The following CNTN4 variants were observed in gnomAD, a reference collection of about 807,000 sequenced individuals.
CNTN4 encodes the protein contactin 4.
Under a neutral mutation model 122.5 loss-of-function variants are expected in CNTN4, and 77 were observed. That is an observed-to-expected ratio of 0.63 (90% CI 0.52 to 0.76). CNTN4 has a LOEUF of 0.76. Ranked by LOEUF, CNTN4 falls within the 30% of genes least tolerant of loss-of-function variation. The probability of loss-of-function intolerance (pLI) is 0.00; values close to 1 mark genes in which losing one functional copy is unlikely to be tolerated. For missense variants in CNTN4, 1,256 were observed against 1,259.1 expected (o/e 1.00, Z 0.04); for synonymous variants, 512 against 447.0 (o/e 1.15, Z -1.83).
intron 4 of CNTN4, among the ~76,000 whole-genome samples, chr3:2,694,664 G>A (rs537367320): frequency 2.6e-5 from 4 of 152,158 alleles, no homozygotes; most frequent in African/African-American, 7.2e-5. Flanking sequence ...AGGAGGCAGA[G>A]GTTGCAGTGA....
At chr3:2,627,702 C>G (rs531936562) in intron 4 of CNTN4, among the ~76,000 whole-genome samples, 19 of 151,924 alleles carry the variant, frequency 1.3e-4, no homozygotes, top group Non-Finnish European at 2.6e-4. Context: ...ACCGTGTTAG[C>G]CAGGATGGTC....
At chr3:2,647,037 C>G (rs894027671) in intron 4 of CNTN4, among the ~76,000 whole-genome samples, 3 of 152,140 alleles carry the variant, frequency 2.0e-5, no homozygotes, top group African/African-American at 7.2e-5. Flanking sequence ...CCCTGAAGCT[C>G]TGTTTTCAGA....
At chr3:2,751,056 C>G (rs1484758759) in intron 6 of CNTN4, among the ~76,000 whole-genome samples, 2 of 152,056 alleles carry the variant, frequency 1.3e-5, no homozygotes, top group Non-Finnish European at 2.9e-5. Context: ...AATTCCAGCC[C>G]TTTGGGAGGC....
At chr3:2,457,067 C>T (rs2049032305) in intron 3 of CNTN4, among the ~76,000 whole-genome samples, 1 of 152,016 alleles carries the variant, frequency 6.6e-6, no homozygotes, top group Non-Finnish European at 1.5e-5. Flanking sequence ...ACCCAATGAG[C>T]CAGGTTCCTG....
At chr3:2,151,796 G>T (rs748259961) in intron 2 of CNTN4, among the ~76,000 whole-genome samples, 1 of 152,216 alleles carries the variant, frequency 6.6e-6, no homozygotes, top group East Asian at 1.9e-4. Flanking sequence ...GTGACAGCCT[G>T]TGCCACCTTG....
At chr3:2,449,494 T>A (rs1320865711) in intron 3 of CNTN4, among the ~76,000 whole-genome samples, 2 of 151,882 alleles carry the variant, frequency 1.3e-5, no homozygotes, top group Admixed American at 6.6e-5. Flanking sequence ...GCACCCCTGT[T>A]ATCCCAGCTA....
intron 2 of CNTN4, among the ~76,000 whole-genome samples, chr3:2,216,017 C>T (rs1331953165): frequency 1.3e-5 from 2 of 151,806 alleles, no homozygotes; most frequent in African/African-American, 4.8e-5. Flanking sequence ...ACCATTTGAT[C>T]CAGCAATCCC....
Position 2,574,181 on chromosome 3 carries a change from A to G in CNTN4, c.55+2623A>G, listed in dbSNP as rs544933353. Among the ~76,000 whole-genome samples, 58 of 152,344 alleles carry G rather than the reference A, an allele frequency of 3.8e-4. 1 individual carries two copies. The highest frequency in any genetic ancestry group is 1.3e-3 in the African/African-American group (55 of 41,566). Reference sequence around the variant, plus strand: ...CGGTGAGCCGAGATCACGCCACTGCACTCCAGCCTGGGCAACAAGAGTGAA... The same window carrying G: ...CGGTGAGCCGAGATCACGCCACTGCGCTCCAGCCTGGGCAACAAGAGTGAA... On this transcript the variant is annotated intron_variant, in intron 4 of 24. Transcript: ENST00000418658.
chr3:2,584,492 C>A (rs926887702), intron 4 of CNTN4, among the ~76,000 whole-genome samples: 2 of 151,760 alleles, frequency 1.3e-5, no homozygotes, highest in East Asian at 3.9e-4. Flanking sequence ...TCACCTGAGG[C>A]CAGGAGATCG....
At chr3:2,876,227 A>C (rs2093843153) in intron 8 of CNTN4, among the ~76,000 whole-genome samples, 1 of 152,134 alleles carries the variant, frequency 6.6e-6, no homozygotes, top group Non-Finnish European at 1.5e-5. Context: ...CTGGGAATTC[A>C]CCTACTGGAT....
At position 2,887,223 on chromosome 3, in the gene CNTN4, T is replaced by C; in HGVS notation, c.939T>C (p.Tyr313=). ...KNVARGQLTF[Y]AQPNWIQKIN... is the part of the protein sequence containing the mutation. ...TAGCAAGGGGACAGCTAACTTTCTA[T>C]GGTAAGTGTATGATTTCAGTTTATC... The change falls in exon 10 of 25, where the codon TAT becomes TAC. Residue 313 remains tyrosine, a splice_region_variant and synonymous_variant. Coordinates refer to ENST00000418658, the MANE Select transcript of CNTN4 (RefSeq NM_175607.3). The C allele has an allele frequency of 6.2e-7, 1 of 1,612,116 alleles. No individual in the cohort carries two copies. The highest frequency in any genetic ancestry group is 8.5e-7 in the Non-Finnish European group (1 of 1,179,598).
chr3:2,922,635 C>G (rs1047042085), intron 12 of CNTN4, among the ~76,000 whole-genome samples: 24 of 88,306 alleles, frequency 2.7e-4, no homozygotes, highest in African/African-American at 9.9e-4. Context: ...TTTTTTGAGA[C>G]GGAGTCTAGC....
At chr3:2,883,521 AC>A (rs1238728149) in intron 9 of CNTN4, among the ~76,000 whole-genome samples, 1 of 152,178 alleles carries the variant, frequency 6.6e-6, no homozygotes, top group Non-Finnish European at 1.5e-5. Flanking sequence ...TATTATCATG[AC>A]CTGTAATGTG....
At chr3:2,249,872 T>A (rs906061774) in intron 2 of CNTN4, among the ~76,000 whole-genome samples, 1 of 151,876 alleles carries the variant, frequency 6.6e-6, no homozygotes, top group Non-Finnish European at 1.5e-5. Context: ...ATGAGTGTTT[T>A]TATTGATTTT....
chr3:2,260,992 A>C (rs569158140), intron 2 of CNTN4, among the ~76,000 whole-genome samples: 1 of 152,214 alleles, frequency 6.6e-6, no homozygotes, highest in South Asian at 2.1e-4. Flanking sequence ...CGGCCTCCCA[A>C]AGTGCTGTGA....
At chr3:2,227,605 A>G (rs540600433) in intron 2 of CNTN4, among the ~76,000 whole-genome samples, 2 of 152,316 alleles carry the variant, frequency 1.3e-5, no homozygotes, top group South Asian at 4.1e-4. Context: ...GCTGCGGCAC[A>G]GATTGAATGG....
intron 4 of CNTN4, among the ~76,000 whole-genome samples, chr3:2,720,481 G>A (rs2087779873): frequency 6.6e-6 from 1 of 152,118 alleles, no homozygotes; most frequent in Non-Finnish European, 1.5e-5. Flanking sequence ...ACCCAACTGA[G>A]CCATCAGTTT....
At chr3:2,909,298 T>C (rs2094273088) in intron 12 of CNTN4, among the ~76,000 whole-genome samples, 1 of 152,202 alleles carries the variant, frequency 6.6e-6, no homozygotes, top group Non-Finnish European at 1.5e-5. Context: ...TTTATCAAGT[T>C]ATTGATCATA....
chr3:2,954,150 G>A (rs1330520776), intron 13 of CNTN4, among the ~76,000 whole-genome samples: 2 of 152,160 alleles, frequency 1.3e-5, no homozygotes, highest in Non-Finnish European at 2.9e-5. Context: ...AAGGGAAATT[G>A]AGTTTTCATT....
Sources: gnomAD v4.1 joint callset for allele counts (sites outside exome capture counted in the v4.1 genomes callset) on GRCh38, gnomAD v4.1.1 for gene constraint, MANE v1.5 for transcripts, NCBI Gene and HGNC (gene_info 2026-07-23, HGNC 2026-07-21) for gene names.